Variants in DMXL1 observed in about 807,000 individuals in gnomAD.
DMXL1 encodes dmX-like protein 1.
Under a neutral mutation model 319.2 loss-of-function variants are expected in DMXL1, and 99 were observed. That is an observed-to-expected ratio of 0.31 (90% CI 0.26 to 0.37). The LOEUF is 0.37. DMXL1 is among the 10% of genes least tolerant of loss of function. The probability of loss-of-function intolerance (pLI) is 1.00; values close to 1 mark genes in which losing one functional copy is unlikely to be tolerated. For synonymous variants in DMXL1, 1,385 were observed against 1,235.2 expected, an observed-to-expected ratio of 1.12 and a Z score of -2.54; for missense variants, 3,745 against 3,595.6, an observed-to-expected ratio of 1.04 and a Z score of -1.06.
chr5:119,199,209 C>T (rs1780221789), intron 32 of DMXL1, among the ~76,000 whole-genome samples: 5 of 152,036 alleles, frequency 3.3e-5, no homozygotes, highest in Admixed American at 3.3e-4. Context: ...TTTTTGTGAT[C>T]CTCTTTCTCC....
rs1484162694 is a variant in DMXL1, at chr5:119,237,335, A to G, written c.8480A>G (p.Asp2827Gly). Residue 2827 changes from aspartate to glycine, a missense_variant, in exon 40 of 44, where the codon GAT (aspartate) becomes GGT (glycine). By Grantham distance (94) the Asp-to-Gly change is moderately conservative. Transcript: ENST00000539542. ...TCTTTCTCTAAGTTTGGAATAGTTG[A>G]TGCTGATGGATATTTAAGTTTGTAT... ...NYQGNKFGIVDADGYLSLYQT... is the reference protein window; with the variant it reads ...NYQGNKFGIVGADGYLSLYQT... 6.3e-7 allele frequency: 1 copy of G among 1,588,790 alleles called. No homozygotes were observed. Among genetic ancestry groups the G allele is most frequent in the African/African-American group, 1.3e-5 (1 of 74,664 alleles).
Position 119,133,833 on chromosome 5 carries a change from C to T in DMXL1, c.1909C>T (p.Arg637Cys), listed in dbSNP as rs778917679. 1.2e-6 allele frequency: 2 copies of T among 1,614,106 alleles called. No individual in the cohort carries two copies. The highest frequency in any genetic ancestry group is 1.1e-5 in the South Asian group (1 of 91,074). ...CCACAAATCCAGATATTGTGGTCAT[C>T]GTTTTCATCTTAATGATTTAGCTTG... is the stretch of plus-strand genomic sequence containing the variant. ...ISHKSRYCGH[R>C]FHLNDLACHS... Residue 637 changes from arginine (R) to cysteine (C), a missense_variant, in exon 12 of 44, where the codon CGT (arginine) becomes TGT (cysteine). Arg to Cys is a radical substitution (Grantham distance 180). Around this residue, in one of 4 missense-constraint regions of DMXL1, gnomAD observed 2,096 missense variants for 1,985.4 expected, o/e 1.06. Coordinates refer to ENST00000539542, the MANE Select transcript of DMXL1 (RefSeq NM_001290321.3).
chr5:119,107,243 A>T (rs1029232542), intron 4 of DMXL1, among the ~76,000 whole-genome samples: 6 of 152,020 alleles, frequency 3.9e-5, no homozygotes, highest in African/African-American at 1.2e-4. Context: ...CAGGAGGCTG[A>T]GGTGGGAGGC....
chr5:119,127,257 C>G (rs145207052), intron 9 of DMXL1: 2 of 220,708 alleles, frequency 9.1e-6, no homozygotes, highest in African/African-American at 4.6e-5. Flanking sequence ...TCAGCAACAC[C>G]CTTAGGATAC....
intron 1 of DMXL1, chr5:119,081,750 G>T: frequency 2.0e-6 from 2 of 983,468 alleles, no homozygotes; most frequent in Non-Finnish European, 2.4e-6. Context: ...TTGAGACTGT[G>T]CATGGAGAAT....
Position 119,242,259 on chromosome 5 carries a change from A to G in DMXL1, c.8704+1788A>G, listed in dbSNP as rs140807199. On this transcript the variant is annotated intron_variant, in intron 42 of 43. Coordinates refer to ENST00000539542, the MANE Select transcript of DMXL1 (RefSeq NM_001290321.3). ...GAATAAACCACATCTAAGTGGACCC[A>G]CACATTTCAAACCAGTGTTGTTGAA... is the stretch of plus-strand genomic sequence containing the variant. Among the ~76,000 whole-genome samples the G allele has an allele frequency of 1.5e-3, 235 of 152,328 alleles. 6 individuals are homozygous for G. The East Asian group carries it at 0.041, about 27-fold the overall frequency.
At chr5:119,143,771 A>C in intron 13 of DMXL1, 70 bp from the exon 14 acceptor site, 2 of 1,045,850 alleles carry the variant, frequency 1.9e-6, no homozygotes, top group Non-Finnish European at 2.8e-6. Context: ...GTTATGCTTG[A>C]AATTTTGTTA....
chr5:119,107,362 A>G (rs1758590476), intron 4 of DMXL1, among the ~76,000 whole-genome samples: 1 of 152,038 alleles, frequency 6.6e-6, no homozygotes, highest in Non-Finnish European at 1.5e-5. Flanking sequence ...AAGAAAAGTT[A>G]TCTTTGAGAC....
chr5:119,077,500 T>TG (rs1751163541), intron 1 of DMXL1, among the ~76,000 whole-genome samples: 1 of 144,832 alleles, frequency 6.9e-6, no homozygotes, highest in East Asian at 2.0e-4. Context: ...TTTTTTTTTT[T>TG]TTTTTAAGAC....
chr5:119,204,756 G>C (rs918308933), intron 33 of DMXL1, among the ~76,000 whole-genome samples: 1 of 152,130 alleles, frequency 6.6e-6, no homozygotes, highest in African/African-American at 2.4e-5. Flanking sequence ...TTTGGTATGT[G>C]AACCACATTT....
chr5:119,216,018 C>A (rs919666506), intron 34 of DMXL1, among the ~76,000 whole-genome samples: 2 of 140,432 alleles, frequency 1.4e-5, no homozygotes, highest in South Asian at 2.2e-4. Flanking sequence ...ATTGCTTAAA[C>A]CTGGGAGGCA....
At chr5:119,106,792 G>A (rs1038451788) in intron 4 of DMXL1, among the ~76,000 whole-genome samples, 9 of 152,104 alleles carry the variant, frequency 5.9e-5, no homozygotes, top group African/African-American at 1.9e-4. Flanking sequence ...TCCATAGTAG[G>A]TGTTCAATTA....
chr5:119,169,871 TGAG>T (rs1363981186), intron 23 of DMXL1, among the ~76,000 whole-genome samples: 2 of 152,292 alleles, frequency 1.3e-5, no homozygotes, highest in African/African-American at 4.8e-5. Context: ...CAAAGCAGAC[TGAG>T]GAGAAGTGTT....
Position 119,189,746 on chromosome 5 carries a change from C to T in DMXL1, c.7174C>T (p.Arg2392Cys), listed in dbSNP as rs376608292. 29 of 1,613,860 alleles carry T rather than the reference C, an allele frequency of 1.8e-5. No homozygotes were observed. Among genetic ancestry groups the T allele is most frequent in the South Asian group, 4.4e-5 (4 of 91,086 alleles). ...LVEEGEKQNKRFRPSKMSCRE... is the reference protein window; with the variant it reads ...LVEEGEKQNKCFRPSKMSCRE... ...TGAAGAAGGAGAAAAACAGAACAAACGTTTTAGGCCGTCAAAAATGTCTTG... is the reference window on the plus strand; with the variant it reads ...TGAAGAAGGAGAAAAACAGAACAAATGTTTTAGGCCGTCAAAAATGTCTTG... Residue 2392 changes from arginine (R) to cysteine (C), a missense_variant, in exon 29 of 44, where the codon CGT becomes TGT. Physicochemically the swap from Arg to Cys is radical, Grantham distance 180. This residue lies in a region of DMXL1 where 1,382 missense variants were observed against 1,269.5 expected (regional missense o/e 1.09). Coordinates refer to ENST00000539542, the MANE Select transcript of DMXL1 (RefSeq NM_001290321.3).
chr5:119,219,467 G>A (rs550546387), intron 35 of DMXL1, among the ~76,000 whole-genome samples: 54 of 152,056 alleles, frequency 3.6e-4, no homozygotes, highest in African/African-American at 1.2e-3. Flanking sequence ...TTAATAGTTT[G>A]TGTTAAAATC....
intron 3 of DMXL1, among the ~76,000 whole-genome samples, chr5:119,103,696 A>G (rs529390622): frequency 1.9e-4 from 29 of 152,356 alleles, no homozygotes; most frequent in African/African-American, 6.0e-4. Context: ...AGCCTTAAGA[A>G]TTAGTAATTG....
rs143975372 is a variant in DMXL1, at chr5:119,189,337, T to G, written c.7136-371T>G. Among the ~76,000 whole-genome samples the G allele has an allele frequency of 1.0e-3, 154 of 152,298 alleles. 2 individuals are homozygous for G. Among genetic ancestry groups the G allele is most frequent in the African/African-American group, 3.6e-3 (150 of 41,548 alleles). On this transcript the variant is annotated intron_variant, in intron 28 of 43. Coordinates refer to ENST00000539542, the MANE Select transcript of DMXL1 (RefSeq NM_001290321.3). ...TCAGAAGGGAGTTGTTGCTTTTAAT[T>G]AACACTGACATCCCATGATAATCTT... is the stretch of plus-strand genomic sequence containing the variant.
At position 119,170,716 on chromosome 5, in the gene DMXL1, A is replaced by C. The variant is rs749731466; in HGVS notation, c.5925A>C (p.Glu1975Asp). The C allele has an allele frequency of 6.2e-7, 1 of 1,613,362 alleles. No homozygotes were observed. Among genetic ancestry groups the C allele is most frequent in the East Asian group, 2.2e-5 (1 of 44,848 alleles). Reference sequence around the variant, plus strand: ...AATGGGACAGTGATAATGATGAAGAAAATGAGGATGTCCCTATTTCAATGA... The same window carrying C: ...AATGGGACAGTGATAATGATGAAGACAATGAGGATGTCCCTATTTCAATGA... Reference protein sequence around the residue: ...ELKWDSDNDEENEDVPISMKE... With the variant: ...ELKWDSDNDEDNEDVPISMKE... Residue 1975 changes from glutamate to aspartate, a missense_variant, in exon 24 of 44, where the codon GAA (glutamate) becomes GAC (aspartate). This residue lies in a region of DMXL1 where 1,382 missense variants were observed against 1,269.5 expected (regional missense o/e 1.09). Coordinates refer to ENST00000539542, the MANE Select transcript of DMXL1 (RefSeq NM_001290321.3).
intron 25 of DMXL1, among the ~76,000 whole-genome samples, chr5:119,173,760 A>ATATATGTGTGTG (rs1775152592): frequency 8.8e-6 from 1 of 113,840 alleles, no homozygotes; most frequent in African/African-American, 3.8e-5. Flanking sequence ...GTGTGTATAT[A>ATATATGTGTGTG]TATATATGTG....
Sources: gnomAD v4.1 joint callset for allele counts (sites outside exome capture counted in the v4.1 genomes callset) on GRCh38, gnomAD v4.1.1 for gene constraint, gnomAD v4.1.1 regional missense constraint, MANE v1.5 for transcripts, NCBI Gene and HGNC (gene_info 2026-07-23, HGNC 2026-07-21) for gene names.